NHSL1: variants seen among roughly 807,000 people sequenced by gnomAD.
NHSL1 encodes the protein NHS-like protein 1.
NHSL1 carries 48 observed loss-of-function variants against 95.0 expected under a neutral mutation model. The ratio of observed to expected loss-of-function variants is 0.51; its 90% CI spans 0.40 to 0.64. The LOEUF is 0.64. Among genes scored for constraint, NHSL1 ranks in the 30% least tolerant of loss-of-function variants. The probability of loss-of-function intolerance (pLI) is 0.00; values close to 1 mark genes in which losing one functional copy is unlikely to be tolerated. For missense variants in NHSL1, 1,971 were observed against 2,077.7 expected (o/e 0.95, Z 1.00); for synonymous variants, 783 against 833.9 (o/e 0.94, Z 1.05).
intron 1 of NHSL1, among the ~76,000 whole-genome samples, chr6:138,513,095 G>C (rs1270155815): frequency 1.3e-5 from 2 of 152,188 alleles, no homozygotes; most frequent in African/African-American, 4.8e-5. Context: ...CTCCTGGAGG[G>C]CCAGAGCCAA....
rs115330223 is a variant in NHSL1 at position 138,589,571 on chromosome 6, G to A, written c.97-93200C>T. Among the ~76,000 whole-genome samples the A allele has an allele frequency of 4.4e-3, 663 of 152,264 alleles. 6 individuals are homozygous for A. The highest frequency in any genetic ancestry group is 0.015 in the African/African-American group (640 of 41,556). The stretch of plus-strand genomic sequence containing the variant: ...TGCTCAGCACACAGAGGGTTCAGTA[G>A]GGTCGCCTGTGACAGTCTCTCTACC... On this transcript the variant is annotated intron_variant, in intron 1 of 3. Coordinates refer to the NHSL1 transcript ENST00000491526.
At chr6:138,549,277 G>A (rs562409477), upstream of NHSL1, among the ~76,000 whole-genome samples, 6 of 152,344 alleles carry the variant, frequency 3.9e-5, no homozygotes, top group African/African-American at 1.2e-4. Context: ...CAGCTACATG[G>A]GAGGCTGAGG....
intron 1 of NHSL1, chr6:138,650,986 G>C (rs559009037): frequency 8.0e-6 from 4 of 499,602 alleles, no homozygotes; most frequent in Admixed American, 6.6e-5. Flanking sequence ...AAGGCTTTGT[G>C]TTTGGGTCTT....
rs889406018 is a variant in NHSL1 at position 138,430,935 on chromosome 6, G to A, written c.3410C>T (p.Ser1137Leu). ...SESQPASVTSSLPTPAKSSSQ... is the reference protein window; with the variant it reads ...SESQPASVTSLLPTPAKSSSQ... ...CGAGCTCTTGGCAGGCGTCGGAAGCGAGCTTGTCACAGAGGCAGGCTGGCT... is the reference window on the plus strand; with the variant it reads ...CGAGCTCTTGGCAGGCGTCGGAAGCAAGCTTGTCACAGAGGCAGGCTGGCT... Residue 1137 changes from serine (S) to leucine (L), a missense_variant, in exon 6 of 8, where the codon TCG (serine) becomes TTG (leucine). Physicochemically the swap from Ser to Leu is moderately radical, Grantham distance 145 (BLOSUM62 -2). Around this residue, in one of 3 missense-constraint regions of NHSL1, gnomAD observed 1,602 missense variants for 1,654.5 expected, o/e 0.97. Transcript: ENST00000343505. This position sits in a 1 kb window ranked among gnomAD's most constrained non-coding sequence, Gnocchi z 4.7. 8.4e-6 allele frequency: 13 copies of A among 1,551,534 alleles called. No homozygotes were observed. The South Asian group carries it at 9.5e-5, about 11-fold the overall frequency.
chr6:138,585,383 C>T (rs1784119244), intron 1 of NHSL1, among the ~76,000 whole-genome samples: 9 of 152,164 alleles, frequency 5.9e-5, no homozygotes, highest in Admixed American at 5.9e-4. Context: ...GTCATTTCAC[C>T]TACTTGTGAG....
At chr6:138,440,409 G>C (rs762174652) in intron 5 of NHSL1, among the ~76,000 whole-genome samples, 1 of 152,154 alleles carries the variant, frequency 6.6e-6, no homozygotes, top group Non-Finnish European at 1.5e-5. Context: ...AGAGGAACCA[G>C]GCCACTAATA....
At chr6:138,519,028 GAATA>G (rs538300805) in intron 1 of NHSL1, among the ~76,000 whole-genome samples, 30 of 151,776 alleles carry the variant, frequency 2.0e-4, no homozygotes, top group Admixed American at 6.6e-4. Context: ...AAAAATAAAT[GAATA>G]AATAAATAAA....
chr6:138,588,000 T>C (rs1313903958), intron 1 of NHSL1, among the ~76,000 whole-genome samples: 1 of 152,266 alleles, frequency 6.6e-6, no homozygotes, highest in Non-Finnish European at 1.5e-5. Context: ...AGAAAGGTCA[T>C]GTGCTAGTGG....
chr6:138,430,498 C>CCATG lies in NHSL1; in HGVS notation c.3843_3846dup (p.Val1283HisfsTer5). 6.4e-7 allele frequency: 1 copy of CCATG among 1,551,384 alleles called. No individual in the cohort carries two copies. Among genetic ancestry groups the CCATG allele is most frequent in the Non-Finnish European group, 8.7e-7 (1 of 1,146,834 alleles). On this transcript the variant is annotated frameshift_variant, in exon 6 of 8. Transcript: ENST00000343505. LOFTEE classifies it high-confidence loss of function. The surrounding 1 kb of genome is among the most constrained non-coding windows in gnomAD (Gnocchi z 4.7). ...GGGGCTGGTGAGACATCAGGCTGAA[C>CCATG]CATGGGGACATTGGCTTCCACTCTG...
chr6:138,451,970 G>A (rs1016854445), intron 3 of NHSL1, among the ~76,000 whole-genome samples: 1 of 152,174 alleles, frequency 6.6e-6, no homozygotes, highest in African/African-American at 2.4e-5. Context: ...CCCATACAGA[G>A]AACAGAATGA....
chr6:138,428,688 T>C (rs943203767), intron 7 of NHSL1, among the ~76,000 whole-genome samples: 3 of 152,174 alleles, frequency 2.0e-5, no homozygotes, highest in Admixed American at 6.5e-5. Flanking sequence ...TCTTATGCAA[T>C]AGTCTTTTCA....
At position 138,438,648 on chromosome 6, in the gene NHSL1, ACTTTTT is replaced by A. The variant is rs545738352; in HGVS notation, c.664+3329_664+3334del. ...ATAATGTACAGAAATAATTATTTAT[ACTTTTT>A]CTTTTATTAATAATATTTTGAATTT... is the stretch of plus-strand genomic sequence containing the variant. On this transcript the variant is annotated intron_variant, in intron 5 of 7. Transcript: ENST00000343505. Among the ~76,000 whole-genome samples, 415 of 152,282 alleles carry A rather than the reference ACTTTTT, an allele frequency of 2.7e-3. 5 individuals carry two copies. The highest frequency in any genetic ancestry group is 0.019 in the Admixed American group (295 of 15,308).
intron 1 of NHSL1, among the ~76,000 whole-genome samples, chr6:138,689,327 T>C (rs565187803): frequency 6.6e-6 from 1 of 152,224 alleles, no homozygotes; most frequent in Non-Finnish European, 1.5e-5. Flanking sequence ...CCCCTCAACC[T>C]GGGGGTGTCA....
chr6:138,520,979 C>A (rs992372574), intron 1 of NHSL1, among the ~76,000 whole-genome samples: 1 of 152,044 alleles, frequency 6.6e-6, no homozygotes, highest in African/African-American at 2.4e-5. Context: ...AAACTGAAGC[C>A]GAGAGACCAT....
At position 138,598,117 on chromosome 6, in the gene NHSL1, T is replaced by C. The variant is rs1022199590; in HGVS notation, c.96+94359A>G. Among the ~76,000 whole-genome samples, 3 of 151,160 alleles carry C rather than the reference T, an allele frequency of 2.0e-5. No individual in the cohort carries two copies. In the Admixed American group the frequency reaches 2.1e-4, roughly 10 times the overall value. On this transcript the variant is annotated intron_variant, in intron 1 of 3. Transcript: ENST00000491526. The stretch of plus-strand genomic sequence containing the variant: ...GAGTTCAGGACCAGCTCAGGCAACA[T>C]CTCTACAAATAATTGTAGAGATACC...
chr6:138,442,763 A>G (rs1776610907), intron 4 of NHSL1, among the ~76,000 whole-genome samples: 2 of 152,196 alleles, frequency 1.3e-5, no homozygotes, highest in African/African-American at 4.8e-5. Context: ...TTTCACAATT[A>G]CTTTTTAAAG....
chr6:138,546,307 C>T (rs551961618), upstream of NHSL1, among the ~76,000 whole-genome samples: 1 of 151,574 alleles, frequency 6.6e-6, no homozygotes, highest in African/African-American at 2.4e-5. Context: ...TATTTAAAAA[C>T]GGGGCGGACA....
At chr6:138,461,644 G>A (rs963372782) in intron 3 of NHSL1, among the ~76,000 whole-genome samples, 1 of 152,128 alleles carries the variant, frequency 6.6e-6, no homozygotes, top group Non-Finnish European at 1.5e-5. Context: ...TGTGCGCTGG[G>A]GATAAAAGTT....
intron 2 of NHSL1, among the ~76,000 whole-genome samples, chr6:138,492,956 C>T (rs980592772): frequency 1.3e-5 from 2 of 151,874 alleles, no homozygotes; most frequent in African/African-American, 4.8e-5. Flanking sequence ...ATTTATATAA[C>T]ATCAAATCTT....
Sources: allele counts gnomAD v4.1 joint callset (sites outside exome capture counted in the v4.1 genomes callset), GRCh38; gene constraint gnomAD v4.1.1; regional missense constraint gnomAD v4.1.1; non-coding constraint Gnocchi (gnomAD v3.1); transcripts MANE v1.5; gene names NCBI Gene and HGNC (gene_info 2026-07-23, HGNC 2026-07-21).